Variants in TYW1 observed in about 807,000 individuals in gnomAD.
TYW1 encodes the protein S-adenosyl-L-methionine-dependent tRNA 4-demethylwyosine synthase TYW1.
TYW1 carries 46 observed loss-of-function variants against 96.2 expected under a neutral mutation model. That is an observed-to-expected ratio of 0.48 (90% CI 0.38 to 0.61). The LOEUF (loss-of-function observed/expected upper bound fraction) is 0.61, where lower values mean the gene tolerates loss of function less well. Among genes scored for constraint, TYW1 ranks in the 20% least tolerant of loss-of-function variants. The pLI, the probability that TYW1 is intolerant of heterozygous loss-of-function variation, is 0.00. For missense variants in TYW1, 684 were observed against 909.6 expected (o/e 0.75, Z 3.19); for synonymous variants, 274 against 323.0 (o/e 0.85, Z 1.63).
At chr7:66,998,986 T>G (rs1426174442) in intron 3 of TYW1, 32 bp downstream of exon 3, 1 of 1,611,176 alleles carries the variant, frequency 6.2e-7, no homozygotes, top group Non-Finnish European at 8.5e-7. Context: ...TTTCCTTTGG[T>G]TTCCTGACAT....
chr7:67,146,366 T>C (rs143330456), intron 13 of TYW1, among the ~76,000 whole-genome samples: 3,124 of 151,986 alleles, frequency 0.021, 53 homozygotes, highest in Non-Finnish European at 0.034. Flanking sequence ...ATTCATTCAC[T>C]CAACAAATAT....
At chr7:67,215,786 G>A (rs139268991) in intron 15 of TYW1, among the ~76,000 whole-genome samples, 5,997 of 152,160 alleles carry the variant, frequency 0.039, 327 homozygotes, top group East Asian at 0.17. Flanking sequence ...TCCGATGTTC[G>A]AGGGCAGGAA....
At chr7:67,055,371 T>G (rs1397392347) in intron 8 of TYW1, among the ~76,000 whole-genome samples, 1 of 152,118 alleles carries the variant, frequency 6.6e-6, no homozygotes, top group African/African-American at 2.4e-5. Flanking sequence ...CGGAGGTAGA[T>G]GGATCACTTG....
intron 13 of TYW1, among the ~76,000 whole-genome samples, chr7:67,163,668 ATTTTT>A (rs3980764): frequency 7.1e-6 from 1 of 140,950 alleles, no homozygotes; most frequent in Non-Finnish European, 1.5e-5. Context: ...AAGCAGGAGA[ATTTTT>A]TTTTTTTTTT....
At chr7:67,198,596 T>C (rs1584685958) in intron 15 of TYW1, among the ~76,000 whole-genome samples, 2 of 151,882 alleles carry the variant, frequency 1.3e-5, no homozygotes, top group African/African-American at 4.8e-5. Context: ...AATTTTTATA[T>C]AAAGTAAATA....
intron 15 of TYW1, among the ~76,000 whole-genome samples, chr7:67,230,487 G>A (rs970378965): frequency 6.6e-6 from 1 of 151,840 alleles, no homozygotes; most frequent in African/African-American, 2.4e-5. Context: ...GCAGTTCCTT[G>A]TACCCTCCTC....
chr7:67,168,035 G>T (rs1335996526), intron 13 of TYW1, among the ~76,000 whole-genome samples: 1 of 151,922 alleles, frequency 6.6e-6, no homozygotes, highest in Non-Finnish European at 1.5e-5. Flanking sequence ...TTATAGGTGT[G>T]AGCCCCAGCC....
In TYW1 at chr7:67,083,546, A is replaced by G; in HGVS notation, c.1384+7A>G. ...ATGATTAAGCAGTTTAAAGGTATTT[A>G]TCTTCCCTCTACAAAGGAATGCTAA... is the stretch of plus-strand genomic sequence containing the variant. On this transcript the variant is annotated splice_region_variant and intron_variant, in intron 11 of 15. Transcript: ENST00000359626. 1 of 1,614,012 alleles carries G rather than the reference A, an allele frequency of 6.2e-7. No homozygotes were observed. The highest frequency in any genetic ancestry group is 1.1e-5 in the South Asian group (1 of 91,074).
chr7:67,048,657 G>GT (rs1239570141), intron 7 of TYW1, among the ~76,000 whole-genome samples: 1 of 152,202 alleles, frequency 6.6e-6, no homozygotes, highest in Admixed American at 6.5e-5. Context: ...GCAAGGTTTT[G>GT]TAACAGTAAT....
chr7:67,046,339 A>G (rs1017697852), intron 7 of TYW1, among the ~76,000 whole-genome samples: 2 of 152,056 alleles, frequency 1.3e-5, no homozygotes, highest in African/African-American at 4.8e-5. Context: ...CACTGGGTTC[A>G]TCTGTGCTCG....
At chr7:67,147,726 T>C (rs1449800174) in intron 13 of TYW1, among the ~76,000 whole-genome samples, 1 of 152,120 alleles carries the variant, frequency 6.6e-6, no homozygotes, top group African/African-American at 2.4e-5. Context: ...GGCCTCCAGC[T>C]CCAACCATGT....
At chr7:67,230,722 G>A (rs549896429) in intron 15 of TYW1, among the ~76,000 whole-genome samples, 1 of 146,256 alleles carries the variant, frequency 6.8e-6, no homozygotes, top group Non-Finnish European at 1.5e-5. Context: ...GCGCGATCTC[G>A]GCTCACTGCA....
intron 12 of TYW1, among the ~76,000 whole-genome samples, chr7:67,101,045 C>T (rs901772739): frequency 2.6e-5 from 4 of 152,036 alleles, no homozygotes; most frequent in African/African-American, 4.8e-5. Flanking sequence ...GCTTCTGTGT[C>T]TCTTTGTTGT....
chr7:66,997,379 G>T (rs1391308049), intron 1 of TYW1, among the ~76,000 whole-genome samples: 1 of 151,864 alleles, frequency 6.6e-6, no homozygotes, highest in Non-Finnish European at 1.5e-5. Flanking sequence ...AAGTTTAACC[G>T]TGAGCCTTTG....
At chr7:67,117,639 A>C in intron 13 of TYW1, 21 bp downstream of exon 13, 1 of 1,595,168 alleles carries the variant, frequency 6.3e-7, no homozygotes, top group East Asian at 2.2e-5. Flanking sequence ...TGACATCTTA[A>C]AAATAAATAA....
chr7:67,170,282 T>C (rs1434868526), intron 13 of TYW1, among the ~76,000 whole-genome samples: 1 of 152,236 alleles, frequency 6.6e-6, no homozygotes, highest in Non-Finnish European at 1.5e-5. Context: ...TTCTGTTCCA[T>C]TGATCTTCAG....
At chr7:67,236,971 C>T (rs1025750176) in intron 15 of TYW1, among the ~76,000 whole-genome samples, 1 of 152,100 alleles carries the variant, frequency 6.6e-6, no homozygotes, top group African/African-American at 2.4e-5. Flanking sequence ...CTGCAACCTC[C>T]ACCTCCCAGG....
rs59155530 is a variant in TYW1 at position 67,055,116 on chromosome 7, T to G, written c.1103-719T>G. Among the ~76,000 whole-genome samples the G allele has an allele frequency of 9.1e-3, 1,382 of 152,332 alleles. 27 individuals are homozygous for G. The highest frequency in any genetic ancestry group is 0.032 in the African/African-American group (1,337 of 41,562). ...TATGGCCCAGCATACCGTTCATTTTTATAAATGTTTCACTGGTCCATGAAA... is the reference window on the plus strand; with the variant it reads ...TATGGCCCAGCATACCGTTCATTTTGATAAATGTTTCACTGGTCCATGAAA... On this transcript the variant is annotated intron_variant, in intron 8 of 15. Coordinates refer to ENST00000359626, the MANE Select transcript of TYW1 (RefSeq NM_018264.4).
In TYW1 at chr7:67,055,830, C is replaced by T. The variant is rs1043994054; in HGVS notation, c.1103-5C>T. ...CAACTTTGTGTTCCCTGCTTTTCCA[C>T]TCAGGTTATCAGTTGATTGGGAGCC... On this transcript the variant is annotated splice_region_variant and splice_polypyrimidine_tract_variant and intron_variant, in intron 8 of 15. Coordinates refer to ENST00000359626, the MANE Select transcript of TYW1 (RefSeq NM_018264.4). The T allele has an allele frequency of 5.6e-6, 9 of 1,609,446 alleles. No homozygotes were observed. The African/African-American group carries it at 9.4e-5, about 17-fold the overall frequency.
Sources: gnomAD v4.1 joint callset for allele counts (sites outside exome capture counted in the v4.1 genomes callset) on GRCh38, gnomAD v4.1.1 for gene constraint, MANE v1.5 for transcripts, NCBI Gene and HGNC (gene_info 2026-07-23, HGNC 2026-07-21) for gene names.